Variants in DHRSX observed in about 807,000 individuals in gnomAD.
DHRSX encodes the protein dehydrogenase/reductase X-linked.
DHRSX carries 31 observed loss-of-function variants against 34.0 expected under a neutral mutation model. That is an observed-to-expected ratio of 0.91 (90% CI 0.69 to 1.23). The LOEUF is 1.23. DHRSX is among the 50% of genes most tolerant of loss of function. The pLI, the probability that DHRSX is intolerant of heterozygous loss-of-function variation, is 0.00. For missense variants in DHRSX, 414 were observed against 428.1 expected (o/e 0.97, Z 0.29); for synonymous variants, 201 against 183.8 (o/e 1.09, Z -0.76).
chrX:2,408,715 A>G (rs1246323199), intron 3 of DHRSX, 30 bp downstream of exon 3: 3 of 1,581,968 alleles, frequency 1.9e-6, no homozygotes, highest in African/African-American at 2.7e-5. Flanking sequence ...AAAAAAAACA[A>G]AAAAAAGCCA....
intron 3 of DHRSX, among the ~76,000 whole-genome samples, chrX:2,297,993 T>C (rs1490500553): frequency 6.6e-6 from 1 of 151,900 alleles, no homozygotes; most frequent in African/African-American, 2.4e-5. Context: ...TGACCTCAGG[T>C]GATCTGCCCG....
intron 2 of DHRSX, among the ~76,000 whole-genome samples, chrX:2,417,669 C>T (rs944723995): frequency 2.1e-4 from 32 of 151,982 alleles, no homozygotes; most frequent in Non-Finnish European, 3.8e-4. Flanking sequence ...CCCAACTAGA[C>T]TTCATCATGA....
intron 1 of DHRSX, among the ~76,000 whole-genome samples, chrX:2,441,115 G>A (rs1034297945): frequency 2.0e-5 from 3 of 152,190 alleles, no homozygotes; most frequent in Admixed American, 6.5e-5. Flanking sequence ...GACGGAGCAC[G>A]TGTCAGTCCC....
chrX:2,328,787 T>G (rs1392291102), intron 3 of DHRSX, among the ~76,000 whole-genome samples: 1 of 152,138 alleles, frequency 6.6e-6, no homozygotes, highest in African/African-American at 2.4e-5. Context: ...ATACAACAGG[T>G]GTTTCATCCT....
intron 3 of DHRSX, among the ~76,000 whole-genome samples, chrX:2,403,843 T>C (rs2043519840): frequency 7.0e-6 from 1 of 142,790 alleles, no homozygotes; most frequent in Non-Finnish European, 1.5e-5. Context: ...GCAACAAGAG[T>C]GAAACTCTGT....
chrX:2,304,346 T>C (rs1241764936), intron 3 of DHRSX, among the ~76,000 whole-genome samples: 1 of 151,420 alleles, frequency 6.6e-6, no homozygotes, highest in African/African-American at 2.4e-5. Flanking sequence ...AACTGATGGA[T>C]GGATGGATGG....
intron 3 of DHRSX, among the ~76,000 whole-genome samples, chrX:2,322,878 G>A (rs189305646): frequency 0.013 from 1,951 of 152,116 alleles, 56 homozygotes; most frequent in African/African-American, 0.044. Context: ...CGTGTGTGAC[G>A]CCCCTAACTC....
At chrX:2,346,692 T>C (rs1018452650) in intron 3 of DHRSX, among the ~76,000 whole-genome samples, 2 of 151,712 alleles carry the variant, frequency 1.3e-5, no homozygotes, top group Non-Finnish European at 2.9e-5. Context: ...CTGGGGTACA[T>C]GTGCAGAACA....
At chrX:2,470,478 C>T (rs1279684022) in intron 1 of DHRSX, among the ~76,000 whole-genome samples, 1 of 151,766 alleles carries the variant, frequency 6.6e-6, no homozygotes, top group Non-Finnish European at 1.5e-5. Context: ...GAGGCTGAGG[C>T]AGGAGGATCG....
In DHRSX at chrX:2,244,738, G is replaced by A. The variant is rs181839624; in HGVS notation, c.597-1508C>T. ...TTTATTTATTTATTTTTGAGACAGA[G>A]TCTTGCTCTGTCAACCCAGCTGGAG... On this transcript the variant is annotated intron_variant, in intron 5 of 6. Coordinates refer to ENST00000334651, the MANE Select transcript of DHRSX (RefSeq NM_145177.3). 7.9e-3 allele frequency among the ~76,000 whole-genome samples: 1,203 copies of A among 151,810 alleles called. 15 individuals are homozygous for A. Among genetic ancestry groups the A allele is most frequent in the African/African-American group, 0.028 (1,140 of 41,428 alleles).
In DHRSX at chrX:2,248,162, G is replaced by A. The variant is rs187173058; in HGVS notation, c.597-4932C>T. Among the ~76,000 whole-genome samples, 250 of 151,988 alleles carry A rather than the reference G, an allele frequency of 1.6e-3. 1 individual carries two copies. Among genetic ancestry groups the A allele is most frequent in the African/African-American group, 5.7e-3 (238 of 41,466 alleles). On this transcript the variant is annotated intron_variant, in intron 5 of 6. Coordinates refer to ENST00000334651, the MANE Select transcript of DHRSX (RefSeq NM_145177.3). ...AAAATACAAACATTAGGCCGGGCAC[G>A]GTGGCTCACGTCTGTAATCCCAGCA...
chrX:2,390,517 C>T (rs1426274223), intron 3 of DHRSX, among the ~76,000 whole-genome samples: 1 of 152,050 alleles, frequency 6.6e-6, no homozygotes, highest in African/African-American at 2.4e-5. Flanking sequence ...TTTTTACGTA[C>T]ACAGTAAAGT....
intron 1 of DHRSX, among the ~76,000 whole-genome samples, chrX:2,492,039 C>T (rs2045162791): frequency 6.6e-6 from 1 of 152,162 alleles, no homozygotes; most frequent in Admixed American, 6.5e-5. Flanking sequence ...TATCAAAATG[C>T]ACCACCCAGG....
chrX:2,350,587 G>A (rs1319268288), intron 3 of DHRSX, among the ~76,000 whole-genome samples: 7 of 152,210 alleles, frequency 4.6e-5, no homozygotes, highest in Admixed American at 1.3e-4. Flanking sequence ...AGAGAGGGAC[G>A]TAGGGAGATG....
intron 3 of DHRSX, among the ~76,000 whole-genome samples, chrX:2,302,385 G>A (rs956586912): frequency 1.3e-5 from 2 of 152,156 alleles, no homozygotes; most frequent in African/African-American, 4.8e-5. Flanking sequence ...GCCAAAGCGG[G>A]CGGATCGCTT....
intron 4 of DHRSX, 96 bp from the exon 5 acceptor site, chrX:2,267,043 T>A: frequency 1.1e-5 from 14 of 1,285,660 alleles, no homozygotes; most frequent in Non-Finnish European, 1.5e-5. Flanking sequence ...GCCCAGGACA[T>A]CGGAGGGTGG....
intron 1 of DHRSX, among the ~76,000 whole-genome samples, chrX:2,472,899 G>A (rs995891179): frequency 6.6e-6 from 1 of 152,184 alleles, no homozygotes; most frequent in South Asian, 2.1e-4. Context: ...AGGACTTCAC[G>A]TTGCCAACAT....
chrX:2,488,600 T>C (rs745945246), intron 1 of DHRSX: 20 of 1,551,392 alleles, frequency 1.3e-5, no homozygotes, highest in Non-Finnish European at 1.7e-5. Flanking sequence ...AATGGGCTGC[T>C]GCGGGGATGA....
intron 1 of DHRSX, among the ~76,000 whole-genome samples, chrX:2,481,096 T>C (rs28404694): frequency 0.2 from 30,180 of 152,104 alleles, 3,938 homozygotes; most frequent in African/African-American, 0.37. Context: ...GTTAATTAGG[T>C]TAATAATATG....
Sources: gnomAD v4.1 joint callset for allele counts (sites outside exome capture counted in the v4.1 genomes callset) on GRCh38, gnomAD v4.1.1 for gene constraint, MANE v1.5 for transcripts, NCBI Gene and HGNC (gene_info 2026-07-23, HGNC 2026-07-21) for gene names.